The following RSPO2 variants were observed in gnomAD, a reference collection of about 807,000 sequenced individuals.
The protein encoded by RSPO2 is R-spondin 2.
A neutral mutation model predicts 30.9 loss-of-function variants in RSPO2; 14 were observed. That is an observed-to-expected ratio of 0.45 (90% confidence interval 0.30 to 0.71). RSPO2 has a LOEUF of 0.71. Ranked by LOEUF, RSPO2 falls within the 30% of genes least tolerant of loss-of-function variation. The pLI is 0.08. For synonymous variants in RSPO2, 107 were observed against 96.4 expected (o/e 1.11, Z -0.64); for missense variants, 264 against 301.9 (o/e 0.87, Z 0.93).
intron 2 of RSPO2, among the ~76,000 whole-genome samples, chr8:107,990,751 T>C (rs1814816554): frequency 6.6e-6 from 1 of 151,948 alleles, no homozygotes; most frequent in Non-Finnish European, 1.5e-5. Context: ...GCCAAGGCAA[T>C]AATAAGCAAA....
At chr8:107,921,324 AAAG>A (rs754173423) in intron 5 of RSPO2, among the ~76,000 whole-genome samples, 6 of 151,530 alleles carry the variant, frequency 4.0e-5, no homozygotes, top group Non-Finnish European at 8.8e-5. Context: ...CTTTAGAAAA[AAAG>A]AAGAGAAGAA....
At chr8:108,012,613 A>G (rs1167944484) in intron 2 of RSPO2, among the ~76,000 whole-genome samples, 5 of 152,226 alleles carry the variant, frequency 3.3e-5, no homozygotes, top group Non-Finnish European at 7.3e-5. Context: ...TATAATCTCA[A>G]ACTGCAAATT....
At chr8:108,004,877 A>G (rs1378580884) in intron 2 of RSPO2, among the ~76,000 whole-genome samples, 1 of 152,194 alleles carries the variant, frequency 6.6e-6, no homozygotes, top group Non-Finnish European at 1.5e-5. Context: ...CATATTTGAT[A>G]TATTATTTTT....
At chr8:107,950,068 G>T (rs1217218453) in intron 5 of RSPO2, among the ~76,000 whole-genome samples, 1 of 152,150 alleles carries the variant, frequency 6.6e-6, no homozygotes, top group East Asian at 1.9e-4. Context: ...AATGTGTTTA[G>T]CTTTTGCCTC....
intron 5 of RSPO2, among the ~76,000 whole-genome samples, chr8:107,939,409 A>AT: frequency 6.6e-6 from 1 of 152,142 alleles, no homozygotes. Context: ...ACTAGACCAA[A>AT]GGGCTCAATG....
chr8:108,050,260 T>C (rs1230380352), intron 2 of RSPO2, among the ~76,000 whole-genome samples: 5 of 152,140 alleles, frequency 3.3e-5, no homozygotes, highest in African/African-American at 1.2e-4. Flanking sequence ...CCAGTGAAAG[T>C]AAGTTGCTGG....
At chr8:108,014,876 ATTGG>A in intron 2 of RSPO2, among the ~76,000 whole-genome samples, 1 of 151,990 alleles carries the variant, frequency 6.6e-6, no homozygotes, top group African/African-American at 2.4e-5. Context: ...AATTCGGTAG[ATTGG>A]AATAAGTTAG....
chr8:107,972,696 T>C (rs1015533597), intron 3 of RSPO2, among the ~76,000 whole-genome samples: 3 of 152,034 alleles, frequency 2.0e-5, no homozygotes, highest in Admixed American at 2.0e-4. Flanking sequence ...CATAAGGTGA[T>C]CAATACTGTA....
At chr8:107,978,358 C>T (rs1814288996) in intron 3 of RSPO2, among the ~76,000 whole-genome samples, 1 of 152,030 alleles carries the variant, frequency 6.6e-6, no homozygotes, top group Admixed American at 6.6e-5. Context: ...ACCCAGGAGG[C>T]AGAGATTGCA....
At chr8:108,000,017 T>C (rs1815179911) in intron 2 of RSPO2, among the ~76,000 whole-genome samples, 1 of 152,072 alleles carries the variant, frequency 6.6e-6, no homozygotes, top group South Asian at 2.1e-4. Flanking sequence ...ATCTATGAGG[T>C]ATGTGTCATG....
chr8:107,988,977 A>C, intron 3 of RSPO2, 79 bp downstream of exon 3: 1 of 1,306,936 alleles, frequency 7.7e-7, no homozygotes, highest in Non-Finnish European at 1.1e-6. Context: ...TTTTAAAAAA[A>C]TCATTCAAAA....
intron 2 of RSPO2, among the ~76,000 whole-genome samples, chr8:108,048,559 C>T (rs4531024): frequency 6.6e-6 from 1 of 151,958 alleles, no homozygotes; most frequent in Non-Finnish European, 1.5e-5. Context: ...TGATTCTTCT[C>T]TCTTTTCTTT....
At chr8:107,953,803 T>G (rs987082909) in intron 5 of RSPO2, among the ~76,000 whole-genome samples, 1 of 152,120 alleles carries the variant, frequency 6.6e-6, no homozygotes, top group Non-Finnish European at 1.5e-5. Context: ...CAAAAAAAAT[T>G]TCCCTTAAAG....
Position 107,958,066 on chromosome 8 carries a change from A to T in RSPO2, c.616+14T>A, listed in dbSNP as rs371889130. ...AAGCACACAGCACACAGTAGTGATTATATCCACACCTACCTCCTGGACAAT... is the reference window on the plus strand; with the variant it reads ...AAGCACACAGCACACAGTAGTGATTTTATCCACACCTACCTCCTGGACAAT... On this transcript the variant is annotated intron_variant, in intron 5 of 5. Transcript: ENST00000276659. The T allele has an allele frequency of 3.1e-6, 5 of 1,599,162 alleles. No homozygotes were observed. Among genetic ancestry groups the T allele is most frequent in the Non-Finnish European group, 4.3e-6 (5 of 1,167,734 alleles).
intron 5 of RSPO2, among the ~76,000 whole-genome samples, chr8:107,929,123 G>A (rs981198222): frequency 2.6e-5 from 4 of 152,160 alleles, no homozygotes; most frequent in Admixed American, 6.5e-5. Context: ...GGTAGTAGAC[G>A]TCTCTCTTCC....
chr8:108,038,897 T>C (rs2130651894), intron 2 of RSPO2, among the ~76,000 whole-genome samples: 1 of 152,334 alleles, frequency 6.6e-6, no homozygotes, highest in Non-Finnish European at 1.5e-5. Context: ...GTGACTCACT[T>C]TACTGTGGTG....
At chr8:108,032,060 T>C (rs1221392293) in intron 2 of RSPO2, among the ~76,000 whole-genome samples, 1 of 152,204 alleles carries the variant, frequency 6.6e-6, no homozygotes, top group East Asian at 1.9e-4. Context: ...CACAGGCATA[T>C]AGACCAAATA....
rs571438909 is a variant in RSPO2, at chr8:108,058,246, C to T, written c.94+24299G>A. On this transcript the variant is annotated intron_variant, in intron 2 of 5. Coordinates refer to ENST00000276659, the MANE Select transcript of RSPO2 (RefSeq NM_178565.5). ...CAAATCATGAGTGAACTCCCATTCA[C>T]AATTGCTTCAAAGAAAATAAAATAC... 2.0e-3 allele frequency among the ~76,000 whole-genome samples: 297 copies of T among 152,198 alleles called. 1 individual carries two copies. Among genetic ancestry groups the T allele is most frequent in the African/African-American group, 6.9e-3 (286 of 41,524 alleles).
At chr8:107,926,872 A>G (rs578144392) in intron 5 of RSPO2, among the ~76,000 whole-genome samples, 130 of 152,250 alleles carry the variant, frequency 8.5e-4, no homozygotes, top group Middle Eastern at 3.4e-3. Context: ...TTGACTTAGC[A>G]ATGCGAGCTC....
Sources: gnomAD v4.1 joint callset for allele counts (sites outside exome capture counted in the v4.1 genomes callset) on GRCh38, gnomAD v4.1.1 for gene constraint, MANE v1.5 for transcripts, NCBI Gene and HGNC (gene_info 2026-07-23, HGNC 2026-07-21) for gene names.